Variants in DHX40 observed in about 807,000 individuals in gnomAD.
The protein encoded by DHX40 is probable ATP-dependent RNA helicase DHX40.
Under a neutral mutation model 89.6 loss-of-function variants are expected in DHX40, and 28 were observed. The observed-to-expected ratio is 0.31, with a 90% confidence interval of 0.23 to 0.43. The LOEUF is 0.43. Among genes scored for constraint, DHX40 ranks in the 20% least tolerant of loss-of-function variants. The pLI, the probability that DHX40 is intolerant of heterozygous loss-of-function variation, is 1.00. For synonymous variants in DHX40, 226 were observed against 283.6 expected (o/e 0.80, Z 2.04); for missense variants, 457 against 844.0 (o/e 0.54, Z 5.68).
chr17:59,574,747 GTTC>G (rs2048857546), intron 6 of DHX40, among the ~76,000 whole-genome samples: 1 of 151,660 alleles, frequency 6.6e-6, no homozygotes, highest in Non-Finnish European at 1.5e-5. Context: ...ATTTCACCAG[GTTC>G]TTCTTTGGGT....
rs73331103 is a variant in DHX40 at position 59,566,904 on chromosome 17, G to A, written c.280+110G>A. ...TGCCCAGTATTTGCTTTATAGTCCCGCTTCTCTTGGCACACCCCCTTCCCC... is the reference window on the plus strand; with the variant it reads ...TGCCCAGTATTTGCTTTATAGTCCCACTTCTCTTGGCACACCCCCTTCCCC... On this transcript the variant is annotated intron_variant, in intron 2 of 17. Transcript: ENST00000251241. 1,420 of 892,952 alleles carry A rather than the reference G, an allele frequency of 1.6e-3. 13 individuals carry two copies. In the African/African-American group the frequency reaches 0.022, roughly 14 times the overall value. The allele number at this position is 892,952 out of a possible 1,614,324, so 55.3% of individuals were successfully genotyped here.
chr17:59,593,721 A>T (rs2049111705), intron 12 of DHX40, among the ~76,000 whole-genome samples: 1 of 141,862 alleles, frequency 7.0e-6, no homozygotes, highest in Non-Finnish European at 1.5e-5. Context: ...ACCTCAGGTG[A>T]TCCGCCCACC....
intron 17 of DHX40, among the ~76,000 whole-genome samples, chr17:59,606,196 C>T (rs2030841538): frequency 6.6e-6 from 1 of 151,832 alleles, no homozygotes. Context: ...AGGCATGCAC[C>T]ACCACGCCTG....
chr17:59,599,154 G>T (rs560433942), intron 13 of DHX40, among the ~76,000 whole-genome samples: 3 of 151,378 alleles, frequency 2.0e-5, no homozygotes, highest in African/African-American at 4.8e-5. Flanking sequence ...TATAAGTAAA[G>T]AAATCCATTT....
intron 12 of DHX40, among the ~76,000 whole-genome samples, chr17:59,596,682 A>C (rs1181578856): frequency 6.6e-6 from 1 of 152,262 alleles, no homozygotes; most frequent in Non-Finnish European, 1.5e-5. Flanking sequence ...GGTCTGAGAT[A>C]AATCATATTC....
At chr17:59,601,798 T>C (rs945602445) in intron 14 of DHX40, among the ~76,000 whole-genome samples, 10 of 152,176 alleles carry the variant, frequency 6.6e-5, no homozygotes, top group Non-Finnish European at 1.3e-4. Flanking sequence ...GTCTTTCTTG[T>C]TGGGTCTTGC....
At chr17:59,601,021 C>T (rs1385708330) in intron 14 of DHX40, among the ~76,000 whole-genome samples, 1 of 151,490 alleles carries the variant, frequency 6.6e-6, no homozygotes, top group African/African-American at 2.4e-5. Context: ...TCCCCATTCC[C>T]GACAGTGCAT....
At chr17:59,585,367 TCCAA>T (rs2048978571) in intron 10 of DHX40, among the ~76,000 whole-genome samples, 1 of 140,218 alleles carries the variant, frequency 7.1e-6, no homozygotes, top group African/African-American at 2.8e-5. Flanking sequence ...CACACTGCAC[TCCAA>T]CCTGGGCAGC....
At chr17:59,575,896 G>GT (rs201574680) in intron 7 of DHX40, among the ~76,000 whole-genome samples, 31,144 of 145,930 alleles carry the variant, frequency 0.21, 3,430 homozygotes, top group African/African-American at 0.42. Context: ...GGATTGTTTT[G>GT]TTTTTTTTTT....
At chr17:59,588,296 A>G (rs2049030961) in intron 12 of DHX40, among the ~76,000 whole-genome samples, 1 of 150,952 alleles carries the variant, frequency 6.6e-6, no homozygotes, top group African/African-American at 2.5e-5. Flanking sequence ...GTTTACAGAA[A>G]AATTTAGTAG....
At chr17:59,575,496 T>A in intron 7 of DHX40, 25 bp downstream of exon 7, 1 of 1,607,310 alleles carries the variant, frequency 6.2e-7, no homozygotes, top group South Asian at 1.1e-5. Context: ...GAATAGAAAA[T>A]TTGATTTTTT....
At chr17:59,573,335 A>C (rs2048836711) in intron 4 of DHX40, 100 bp downstream of exon 4, 1 of 1,042,264 alleles carries the variant, frequency 9.6e-7, no homozygotes, top group African/African-American at 1.6e-5. Context: ...TTTTAATTTA[A>C]TTTAATTTTT....
chr17:59,588,759 G>C (rs933378293), intron 12 of DHX40, among the ~76,000 whole-genome samples: 18 of 152,180 alleles, frequency 1.2e-4, no homozygotes, highest in Non-Finnish European at 2.4e-4. Flanking sequence ...GACTTTTGCA[G>C]AGCGGAAGTT....
intron 11 of DHX40, among the ~76,000 whole-genome samples, chr17:59,586,894 C>T (rs1359006955): frequency 6.6e-6 from 1 of 152,070 alleles, no homozygotes; most frequent in African/African-American, 2.4e-5. Context: ...TGGCTCACGC[C>T]TGTAATTCCA....
chr17:59,570,113 T>G (rs2048775244), intron 2 of DHX40, among the ~76,000 whole-genome samples: 1 of 131,098 alleles, frequency 7.6e-6, no homozygotes, highest in Non-Finnish European at 1.5e-5. Context: ...TTATAATATA[T>G]TATAATGTAT....
At chr17:59,565,897 G>A in intron 1 of DHX40, 114 bp downstream of exon 1, 3 of 908,960 alleles carry the variant, frequency 3.3e-6, no homozygotes, top group Non-Finnish European at 3.1e-6. Flanking sequence ...AAGCCGTGGC[G>A]TTCTCCTGGC....
chr17:59,573,850 T>G lies in DHX40; in HGVS notation c.657T>G (p.Ser219=), dbSNP rs140314377. ...CAACTATGGAATTAGCCAAGCTCTC[T>G]GCATTCTTTGGAAATTGTCCAATAT... ...MSATMELAKL[S]AFFGNCPIFD... is the part of the protein sequence containing the mutation. The change falls in exon 5 of 18, where the codon TCT becomes TCG. Residue 219 remains serine, a synonymous_variant. Coordinates refer to ENST00000251241, the MANE Select transcript of DHX40 (RefSeq NM_024612.5). 5.8e-5 allele frequency: 94 copies of G among 1,613,134 alleles called. No homozygotes were observed. Among genetic ancestry groups the G allele is most frequent in the Non-Finnish European group, 7.6e-5 (90 of 1,179,616 alleles).
At position 59,599,495 on chromosome 17, in the gene DHX40, A is replaced by C. The variant is rs1392804584; in HGVS notation, c.1806+12A>C. On this transcript the variant is annotated intron_variant, in intron 14 of 17. Coordinates refer to ENST00000251241, the MANE Select transcript of DHX40 (RefSeq NM_024612.5). ...GGAAGCTTAAACAGGTGATTGCCGT[A>C]ATGTTTTTTTTCTTGAGTAGCATTT... The C allele has an allele frequency of 6.2e-7, 1 of 1,610,972 alleles. No homozygotes were observed. Among genetic ancestry groups the C allele is most frequent in the African/African-American group, 1.3e-5 (1 of 74,522 alleles).
rs757388978 is a variant in DHX40 at position 59,605,232 on chromosome 17, A to G, written c.1971+48A>G. 4.5e-6 allele frequency: 7 copies of G among 1,556,104 alleles called. No individual in the cohort carries two copies. The East Asian group carries it at 1.6e-4, about 35-fold the overall frequency. Reference sequence around the variant, plus strand: ...AGGGAAGAAATTTGTAAAGTTGTAGAAATAAGTAATATACAAATGTCTTCT... The same window carrying G: ...AGGGAAGAAATTTGTAAAGTTGTAGGAATAAGTAATATACAAATGTCTTCT... On this transcript the variant is annotated intron_variant, in intron 16 of 17. Transcript: ENST00000251241.
Sources: gnomAD v4.1 joint callset for allele counts (sites outside exome capture counted in the v4.1 genomes callset) on GRCh38, gnomAD v4.1.1 for gene constraint, MANE v1.5 for transcripts, NCBI Gene and HGNC (gene_info 2026-07-23, HGNC 2026-07-21) for gene names.